Variants in LYRM4 observed in about 807,000 individuals in gnomAD.
The protein encoded by LYRM4 is LYR motif containing 4.
LYRM4 carries 9 observed loss-of-function variants against 11.7 expected under a neutral mutation model. The ratio of observed to expected loss-of-function variants is 0.77; its 90% confidence interval spans 0.46 to 1.34. The LOEUF (loss-of-function observed/expected upper bound fraction) is 1.34, where lower values mean the gene tolerates loss of function less well. LYRM4 is among the 40% of genes most tolerant of loss of function. LYRM4 has a pLI of 0.00. For missense variants in LYRM4, 133 were observed against 112.5 expected, an observed-to-expected ratio of 1.18 and a Z score of -0.82; for synonymous variants, 42 against 40.4, an observed-to-expected ratio of 1.04 and a Z score of -0.15.
chr6:5,046,692 C>T, the LYRM4 span, among the ~76,000 whole-genome samples: 6 of 152,194 alleles, frequency 3.9e-5, no homozygotes, highest in African/African-American at 1.4e-4. Flanking sequence ...TGGCTTCCCT[C>T]AGAGTAAATA....
chr6:5,066,105 T>C, the LYRM4 span: 1 of 472,770 alleles, frequency 2.1e-6, no homozygotes, highest in Non-Finnish European at 4.0e-6. Context: ...ACAGATTTTG[T>C]TGTAATAGCT....
intron 1 of LYRM4, among the ~76,000 whole-genome samples, chr6:5,235,256 C>T (rs1408270249): frequency 6.6e-6 from 1 of 152,158 alleles, no homozygotes; most frequent in Non-Finnish European, 1.5e-5. Context: ...AATTCTCCTG[C>T]CTCAGCCTCC....
rs534931233 is a variant in LYRM4 at position 5,225,742 on chromosome 6, AAGAT to A, written c.87-9008_87-9005del. On this transcript the variant is annotated intron_variant, in intron 1 of 2. Coordinates refer to ENST00000330636, the MANE Select transcript of LYRM4 (RefSeq NM_020408.6). ...TCTCTAAAGTGGAACTGATAGTTCA[AAGAT>A]AGATAAATATTTTACTGGGCAAAAT... 1.4e-4 allele frequency among the ~76,000 whole-genome samples: 21 copies of A among 152,356 alleles called. 1 individual carries two copies. In the South Asian group the frequency reaches 2.5e-3, roughly 18 times the overall value.
chr6:5,161,066 T>C (rs1334745605), intron 2 of LYRM4, among the ~76,000 whole-genome samples: 1 of 152,232 alleles, frequency 6.6e-6, no homozygotes, highest in Non-Finnish European at 1.5e-5. Flanking sequence ...ACATTGATAA[T>C]ACTACTACAT....
intron 2 of LYRM4, among the ~76,000 whole-genome samples, chr6:5,131,821 G>A (rs1314122881): frequency 1.3e-5 from 2 of 152,158 alleles, no homozygotes; most frequent in Non-Finnish European, 2.9e-5. Flanking sequence ...CATTAAGAAC[G>A]ACATTATAGA....
downstream of LYRM4, among the ~76,000 whole-genome samples, chr6:5,102,057 T>C (rs1390515716): frequency 6.8e-6 from 1 of 147,164 alleles, no homozygotes; most frequent in Non-Finnish European, 1.5e-5. Context: ...CCTTCCAAAG[T>C]GTTGGGATTA....
chr6:5,178,879 A>G (rs1002397159), intron 2 of LYRM4, among the ~76,000 whole-genome samples: 36 of 150,282 alleles, frequency 2.4e-4, no homozygotes, highest in Non-Finnish European at 4.7e-4. Context: ...GTTGAAATAC[A>G]GTGAGTTCCT....
At chr6:5,043,510 A>T in the LYRM4 span, 2 of 152,158 alleles carry the variant, frequency 1.3e-5, no homozygotes, top group Admixed American at 6.5e-5. Context: ...AAGGTGCCTT[A>T]GTTTGATGTT....
chr6:5,069,611 G>A, the LYRM4 span, among the ~76,000 whole-genome samples: 3 of 152,040 alleles, frequency 2.0e-5, no homozygotes, highest in African/African-American at 4.8e-5. Flanking sequence ...CTCCCAAGTA[G>A]CTGGGACTAT....
intron 2 of LYRM4, among the ~76,000 whole-genome samples, chr6:5,124,631 C>A (rs1763619782): frequency 6.6e-6 from 1 of 152,198 alleles, no homozygotes; most frequent in Non-Finnish European, 1.5e-5. Flanking sequence ...AAGCAGGTAG[C>A]CATTTAACAA....
chr6:5,051,319 A>G, the LYRM4 span, among the ~76,000 whole-genome samples: 1,136 of 152,326 alleles, frequency 7.5e-3, 18 homozygotes, highest in African/African-American at 0.026. Context: ...ATAAATATGA[A>G]CATGAACATA....
chr6:5,129,220 G>A (rs527670126), intron 2 of LYRM4, among the ~76,000 whole-genome samples: 1 of 152,260 alleles, frequency 6.6e-6, no homozygotes, highest in East Asian at 1.9e-4. Flanking sequence ...AGACAACCCA[G>A]GTTTCTCCAA....
intron 1 of LYRM4, among the ~76,000 whole-genome samples, chr6:5,254,606 A>C (rs1210429837): frequency 6.6e-6 from 1 of 152,206 alleles, no homozygotes; most frequent in Non-Finnish European, 1.5e-5. Context: ...TATGTGTGAT[A>C]TGTGCCCTAA....
In LYRM4 at chr6:5,162,966, T is replaced by C. The variant is rs546709639; in HGVS notation, c.208-53475A>G. On this transcript the variant is annotated intron_variant, in intron 2 of 2. Transcript: ENST00000330636. ...AAGTTGGTTTTCAGCCTTAAAAAAA[T>C]CGATTTGTAGGATTCTTTATATATT... 1.1e-4 allele frequency among the ~76,000 whole-genome samples: 17 copies of C among 152,294 alleles called. No individual in the cohort carries two copies. The East Asian group carries it at 3.1e-3, about 28-fold the overall frequency.
At chr6:5,212,791 G>A (rs1762052921) in intron 2 of LYRM4, among the ~76,000 whole-genome samples, 1 of 152,212 alleles carries the variant, frequency 6.6e-6, no homozygotes, top group South Asian at 2.1e-4. Flanking sequence ...TTCCAGGGGA[G>A]ACGTGGTCCA....
At position 5,158,755 on chromosome 6, in the gene LYRM4, G is replaced by T. The variant is rs141956802; in HGVS notation, c.208-49264C>A. Among the ~76,000 whole-genome samples, 1,057 of 152,244 alleles carry T rather than the reference G, an allele frequency of 6.9e-3. 10 individuals carry two copies. The highest frequency in any genetic ancestry group is 0.023 in the African/African-American group (945 of 41,540). ...CCCAAAGTGTTGGGATTAGAGGTGTGAGCCACCATGCCTGGTCAAGTCTGC... is the reference window on the plus strand; with the variant it reads ...CCCAAAGTGTTGGGATTAGAGGTGTTAGCCACCATGCCTGGTCAAGTCTGC... On this transcript the variant is annotated intron_variant, in intron 2 of 2. Coordinates refer to ENST00000330636, the MANE Select transcript of LYRM4 (RefSeq NM_020408.6).
At chr6:5,122,858 C>G (rs1399978455) in intron 2 of LYRM4, among the ~76,000 whole-genome samples, 1 of 152,344 alleles carries the variant, frequency 6.6e-6, no homozygotes, top group East Asian at 1.9e-4. Context: ...CATCCTTCCA[C>G]GTTGGCACGC....
chr6:5,134,923 G>A lies in LYRM4; in HGVS notation c.208-25432C>T, dbSNP rs1192164470. On this transcript the variant is annotated intron_variant, in intron 2 of 2. Coordinates refer to ENST00000330636, the MANE Select transcript of LYRM4 (RefSeq NM_020408.6). ...GCTGTGGAGGGTGCGGTTCACTCCT[G>A]GGACTGTGGAGGGTGCGGATCACTC... 2.5e-3 allele frequency among the ~76,000 whole-genome samples: 360 copies of A among 146,854 alleles called. 15 individuals carry two copies. Among genetic ancestry groups the A allele is most frequent in the Admixed American group, 4.4e-3 (65 of 14,792 alleles).
intron 2 of LYRM4, among the ~76,000 whole-genome samples, chr6:5,144,624 C>CAA (rs71540849): frequency 0.023 from 853 of 37,558 alleles, 141 homozygotes; most frequent in East Asian, 0.044. Flanking sequence ...GACTCCGTCT[C>CAA]AAAAAAAAAA....
Sources: allele counts gnomAD v4.1 joint callset (sites outside exome capture counted in the v4.1 genomes callset), GRCh38; gene constraint gnomAD v4.1.1; transcripts MANE v1.5; gene names NCBI Gene and HGNC (gene_info 2026-07-23, HGNC 2026-07-21).